Variants in CTNNA3 observed in about 807,000 individuals in gnomAD.
CTNNA3 encodes catenin alpha 3.
A neutral mutation model predicts 95.7 loss-of-function variants in CTNNA3; 76 were observed. That is an observed-to-expected ratio of 0.79 (90% confidence interval 0.66 to 0.96). CTNNA3 has a LOEUF of 0.96. Ranked by LOEUF, CTNNA3 falls within the 40% of genes least tolerant of loss-of-function variation. CTNNA3 has a pLI of 0.00. For missense variants in CTNNA3, 1,191 were observed against 1,089.8 expected, an observed-to-expected ratio of 1.09 and a Z score of -1.31; for synonymous variants, 431 against 374.4, an observed-to-expected ratio of 1.15 and a Z score of -1.74.
rs12573051 is a variant in CTNNA3 at position 67,244,506 on chromosome 10, G to T, written c.580-24636C>A. 8.3e-3 allele frequency among the ~76,000 whole-genome samples: 1,260 copies of T among 152,208 alleles called. 30 individuals are homozygous for T. Among genetic ancestry groups the T allele is most frequent in the East Asian group, 0.075 (385 of 5,166 alleles). ...TAAATTTCAGGTATTCTGAAAAACT[G>T]ATTTCAACAAGTATTTATATAGTGG... On this transcript the variant is annotated intron_variant, in intron 5 of 17. Coordinates refer to ENST00000433211, the MANE Select transcript of CTNNA3 (RefSeq NM_013266.4).
chr10:66,360,696 C>CCTTCCT (rs1412848907), intron 12 of CTNNA3, among the ~76,000 whole-genome samples: 2 of 78,442 alleles, frequency 2.5e-5, no homozygotes, highest in African/African-American at 7.9e-5. Flanking sequence ...CCTTCCTTTT[C>CCTTCCT]TTTCTTTCTT....
intron 5 of CTNNA3, among the ~76,000 whole-genome samples, chr10:67,472,999 A>G (rs1161508633): frequency 1.3e-5 from 2 of 152,190 alleles, no homozygotes; most frequent in Non-Finnish European, 2.9e-5. Context: ...ACGTAAGGCA[A>G]TCACTTGCTC....
chr10:66,614,447 C>G (rs1319730752), intron 10 of CTNNA3, among the ~76,000 whole-genome samples: 1 of 151,922 alleles, frequency 6.6e-6, no homozygotes, highest in African/African-American at 2.4e-5. Context: ...TTATGGCTTT[C>G]CATGCTAAAA....
chr10:66,166,290 G>A (rs1201827507), intron 13 of CTNNA3, among the ~76,000 whole-genome samples: 6 of 151,722 alleles, frequency 4.0e-5, no homozygotes, highest in Non-Finnish European at 7.4e-5. Flanking sequence ...TGGCCAACAT[G>A]GTGAAACCTG....
At chr10:66,078,032 T>C (rs2080609409) in intron 14 of CTNNA3, among the ~76,000 whole-genome samples, 1 of 151,872 alleles carries the variant, frequency 6.6e-6, no homozygotes, top group African/African-American at 2.4e-5. Flanking sequence ...GAGGAGATTC[T>C]ACTTGAGCTG....
chr10:66,663,312 C>CCGTT (rs1488771490), intron 9 of CTNNA3, among the ~76,000 whole-genome samples: 1 of 151,978 alleles, frequency 6.6e-6, no homozygotes, highest in Non-Finnish European at 1.5e-5. Context: ...AACCAATGCA[C>CCGTT]CGTTCCCCTT....
intron 5 of CTNNA3, among the ~76,000 whole-genome samples, chr10:67,302,093 AAG>A (rs544655616): frequency 7.5e-5 from 11 of 146,468 alleles, no homozygotes; most frequent in African/African-American, 2.5e-4. Context: ...GAAAGAAAGA[AAG>A]AAAATCCTTT....
intron 7 of CTNNA3, among the ~76,000 whole-genome samples, chr10:66,951,119 T>A (rs12761564): frequency 5.2e-5 from 7 of 135,584 alleles, no homozygotes; most frequent in African/African-American, 5.1e-5. Context: ...ACACACACAC[T>A]GTCTTTTTTT....
At position 66,693,738 on chromosome 10, in the gene CTNNA3, G is replaced by C. The variant is rs568394436; in HGVS notation, c.1282-71954C>G. 7.9e-5 allele frequency among the ~76,000 whole-genome samples: 12 copies of C among 152,126 alleles called. No individual in the cohort carries two copies. In the East Asian group the frequency reaches 2.3e-3, roughly 30 times the overall value. Reference sequence around the variant, plus strand: ...AAAGCTTTCCTCAGCAAATATAAAAGAACATAAATTATAACAAACTGTCTC... The same window carrying C: ...AAAGCTTTCCTCAGCAAATATAAAACAACATAAATTATAACAAACTGTCTC... On this transcript the variant is annotated intron_variant, in intron 9 of 17. Coordinates refer to ENST00000433211, the MANE Select transcript of CTNNA3 (RefSeq NM_013266.4).
chr10:67,110,291 T>G (rs775003884), intron 7 of CTNNA3, among the ~76,000 whole-genome samples: 4 of 152,216 alleles, frequency 2.6e-5, no homozygotes, highest in Non-Finnish European at 4.4e-5. Flanking sequence ...TTAGCTTTTT[T>G]AAGTTTCACA....
intron 5 of CTNNA3, among the ~76,000 whole-genome samples, chr10:67,257,548 T>C (rs765480343): frequency 6.6e-6 from 1 of 152,326 alleles, no homozygotes; most frequent in South Asian, 2.1e-4. Flanking sequence ...TTTATAACTT[T>C]AATGTTCTAC....
chr10:66,714,587 C>A (rs528033813), intron 9 of CTNNA3, among the ~76,000 whole-genome samples: 1 of 152,140 alleles, frequency 6.6e-6, no homozygotes, highest in Non-Finnish European at 1.5e-5. Flanking sequence ...AAACCATTCA[C>A]CATCCACCTC....
At chr10:66,090,431 T>A (rs1222198942) in intron 14 of CTNNA3, among the ~76,000 whole-genome samples, 5 of 152,034 alleles carry the variant, frequency 3.3e-5, no homozygotes, top group African/African-American at 9.7e-5. Context: ...GACAGATATT[T>A]TTTATCACTT....
intron 7 of CTNNA3, among the ~76,000 whole-genome samples, chr10:66,965,735 T>A (rs1409383593): frequency 6.6e-6 from 1 of 152,096 alleles, no homozygotes; most frequent in African/African-American, 2.4e-5. Flanking sequence ...CATCTTCTTT[T>A]ATTTCTTTGC....
chr10:67,677,793 A>T (rs189078818), intron 1 of CTNNA3, among the ~76,000 whole-genome samples: 2 of 152,324 alleles, frequency 1.3e-5, no homozygotes, highest in East Asian at 3.9e-4. Flanking sequence ...GAAGGCAGAC[A>T]TAAGAAAAAC....
At chr10:66,673,602 T>C (rs1589106272) in intron 9 of CTNNA3, among the ~76,000 whole-genome samples, 1 of 152,158 alleles carries the variant, frequency 6.6e-6, no homozygotes, top group East Asian at 1.9e-4. Flanking sequence ...TGGAAAATGA[T>C]ATATTTAAGC....
intron 17 of CTNNA3, among the ~76,000 whole-genome samples, chr10:65,960,347 A>G (rs995248103): frequency 1.6e-4 from 24 of 151,746 alleles, no homozygotes; most frequent in Non-Finnish European, 1.5e-5. Flanking sequence ...CCACGGTGAA[A>G]CCCCGTCTCT....
intron 7 of CTNNA3, among the ~76,000 whole-genome samples, chr10:66,939,538 C>A (rs1454447029): frequency 6.6e-6 from 1 of 152,104 alleles, no homozygotes; most frequent in Admixed American, 6.5e-5. Flanking sequence ...AAATGAAGAA[C>A]TATAATTTTG....
At chr10:67,057,895 A>G (rs994654423) in intron 7 of CTNNA3, among the ~76,000 whole-genome samples, 1 of 152,172 alleles carries the variant, frequency 6.6e-6, no homozygotes, top group African/African-American at 2.4e-5. Flanking sequence ...ATCAGTTCTT[A>G]CAAAGAAGAC....
Sources: allele counts gnomAD v4.1 joint callset (sites outside exome capture counted in the v4.1 genomes callset), GRCh38; gene constraint gnomAD v4.1.1; transcripts MANE v1.5; gene names NCBI Gene and HGNC (gene_info 2026-07-23, HGNC 2026-07-21).